Variants in TRIM22 observed in about 807,000 individuals in gnomAD.
The protein encoded by TRIM22 is E3 ubiquitin-protein ligase TRIM22.
A neutral mutation model predicts 53.6 loss-of-function variants in TRIM22; 45 were observed. The ratio of observed to expected loss-of-function variants is 0.84; its 90% CI spans 0.66 to 1.08. The LOEUF (loss-of-function observed/expected upper bound fraction) is 1.08. Ranked by LOEUF, TRIM22 falls within the 50% of genes least tolerant of loss-of-function variation. The pLI is 0.00. For missense variants in TRIM22, 616 were observed against 590.9 expected (o/e 1.04, Z -0.44); for synonymous variants, 225 against 216.6 (o/e 1.04, Z -0.34).
chr11:5,703,166 C>G (rs1345813350), intron 4 of TRIM22, among the ~76,000 whole-genome samples: 1 of 152,106 alleles, frequency 6.6e-6, no homozygotes, highest in Non-Finnish European at 1.5e-5. Context: ...GAGCATATTA[C>G]CCAATCAGTA....
intron 4 of TRIM22, among the ~76,000 whole-genome samples, chr11:5,705,265 T>C (rs1176337705): frequency 2.6e-5 from 4 of 152,190 alleles, no homozygotes; most frequent in Non-Finnish European, 5.9e-5. Flanking sequence ...AAAGAGCCGT[T>C]GTCTTTTCTG....
chr11:5,700,584 CTTT>C (rs756680023), intron 4 of TRIM22, among the ~76,000 whole-genome samples: 300 of 29,926 alleles, frequency 0.01, 3 homozygotes, highest in African/African-American at 0.035. Flanking sequence ...CTATAGGAGT[CTTT>C]TTTTTTTTTT....
rs1564940904 is a variant in TRIM22 at position 5,698,488 on chromosome 11, C to T, written c.693C>T (p.Ser231=). The change falls in exon 4 of 8, where the codon AGC becomes AGT. Residue 231 remains serine, a synonymous_variant. Transcript: ENST00000379965. The stretch of plus-strand genomic sequence containing the variant: ...TGGTCCAGCAGAGGCAGGATGCCAG[C>T]ACGCTCATCTCAGATCTCCAGCGGA... ...DQLVQQRQDA[S]TLISDLQRRL... 6.2e-7 allele frequency: 1 copy of T among 1,614,026 alleles called. No homozygotes were observed. Among genetic ancestry groups the T allele is most frequent in the Admixed American group, 1.7e-5 (1 of 60,026 alleles).
At chr11:5,691,623 G>C (rs1853173788) in intron 1 of TRIM22, among the ~76,000 whole-genome samples, 1 of 152,148 alleles carries the variant, frequency 6.6e-6, no homozygotes, top group South Asian at 2.1e-4. Flanking sequence ...TGAACCTCTG[G>C]TATCCACTCC....
chr11:5,708,352 G>A, intron 6 of TRIM22, 79 bp downstream of exon 6: 2 of 1,343,194 alleles, frequency 1.5e-6, no homozygotes, highest in Non-Finnish European at 2.1e-6. Flanking sequence ...GGTTTTTTTA[G>A]GTTAGGATAT....
At chr11:5,692,793 C>CAAAAAAA (rs749260436) in intron 1 of TRIM22, among the ~76,000 whole-genome samples, 5 of 95,732 alleles carry the variant, frequency 5.2e-5, no homozygotes, top group Non-Finnish European at 4.2e-5. Context: ...GACCTTGTCT[C>CAAAAAAA]AAAAAAAAAA....
At chr11:5,708,485 C>G in intron 6 of TRIM22, 92 bp from the exon 7 acceptor site, 1 of 1,274,724 alleles carries the variant, frequency 7.8e-7, no homozygotes. Context: ...TCCCAGTATT[C>G]CCCCTTTCCT....
chr11:5,690,073 G>A (rs1453832830), intron 1 of TRIM22, among the ~76,000 whole-genome samples, 174 bp downstream of exon 1: 1 of 152,180 alleles, frequency 6.6e-6, no homozygotes, highest in Non-Finnish European at 1.5e-5. Flanking sequence ...TCTGGGAGAG[G>A]GGTAACCTTT....
chr11:5,702,176 ATAAC>A (rs1313333843), intron 4 of TRIM22, among the ~76,000 whole-genome samples: 1 of 145,598 alleles, frequency 6.9e-6, no homozygotes, highest in Non-Finnish European at 1.5e-5. Context: ...TTACATATAC[ATAAC>A]TAATATATAT....
Position 5,709,082 on chromosome 11 carries a change from A to C in TRIM22, c.931A>C (p.Thr311Pro), listed in dbSNP as rs777788593. The change falls in exon 8 of 8, where the codon ACT becomes CCT. Residue 311 changes from threonine to proline, a missense_variant. Transcript: ENST00000379965. ...CGTGATGCTGAATCCAGGCAGTGCCACTTCGAATGTTGCTATTTCTGTGGA... is the reference window on the plus strand; with the variant it reads ...CGTGATGCTGAATCCAGGCAGTGCCCCTTCGAATGTTGCTATTTCTGTGGA... ...VDVMLNPGSA[T>P]SNVAISVDQR... 1.2e-6 allele frequency: 2 copies of C among 1,613,770 alleles called. No homozygotes were observed. Among genetic ancestry groups the C allele is most frequent in the Admixed American group, 1.7e-5 (1 of 60,014 alleles).
chr11:5,698,526 C>G lies in TRIM22; in HGVS notation c.731C>G (p.Ser244Trp). 1 of 1,613,106 alleles carries G rather than the reference C, an allele frequency of 6.2e-7. No homozygotes were observed. The highest frequency in any genetic ancestry group is 8.5e-7 in the Non-Finnish European group (1 of 1,179,402). Residue 244 changes from serine (S) to tryptophan (W), a missense_variant, in exon 4 of 8, where the codon TCG becomes TGG. Transcript: ENST00000379965. The part of the protein sequence containing the change: ...ISDLQRRLRG[S>W]SVEMLQDVID... ...GATCTCCAGCGGAGGTTGAGGGGAT[C>G]GTCAGTAGAGATGCTGCAGGTAAGA...
chr11:5,706,578 T>C lies in TRIM22; in HGVS notation c.751-16T>C, dbSNP rs746372634. On this transcript the variant is annotated splice_polypyrimidine_tract_variant and intron_variant, in intron 4 of 7. Coordinates refer to ENST00000379965, the MANE Select transcript of TRIM22 (RefSeq NM_006074.5). ...GGCAACCCTATCTTGACTCATGTTT[T>C]CTATCTTTTCCCCAGGATGTGATTG... The C allele has an allele frequency of 6.2e-6, 10 of 1,612,262 alleles. No individual in the cohort carries two copies. Among genetic ancestry groups the C allele is most frequent in the Non-Finnish European group, 8.5e-6 (10 of 1,178,894 alleles).
At chr11:5,707,686 C>A (rs1052915384) in intron 5 of TRIM22, among the ~76,000 whole-genome samples, 1 of 151,966 alleles carries the variant, frequency 6.6e-6, no homozygotes, top group African/African-American at 2.4e-5. Flanking sequence ...GTAGCAGGCA[C>A]CTGTAATCCC....
At chr11:5,694,946 G>A (rs1853233921) in intron 1 of TRIM22, among the ~76,000 whole-genome samples, 1 of 152,132 alleles carries the variant, frequency 6.6e-6, no homozygotes, top group African/African-American at 2.4e-5. Flanking sequence ...ACTGCTAATT[G>A]ATGGAAAGAA....
At chr11:5,707,769 G>A (rs976247163) in intron 5 of TRIM22, among the ~76,000 whole-genome samples, 4 of 151,968 alleles carry the variant, frequency 2.6e-5, no homozygotes, top group African/African-American at 4.8e-5. Flanking sequence ...CCGAGGTCGC[G>A]CCACTACACT....
intron 4 of TRIM22, among the ~76,000 whole-genome samples, chr11:5,702,572 T>G (rs1396289634): frequency 2.0e-5 from 3 of 151,798 alleles, no homozygotes; most frequent in Non-Finnish European, 4.4e-5. Flanking sequence ...ACTATACCCC[T>G]TCACATGTAG....
chr11:5,705,243 T>C (rs1272011262), intron 4 of TRIM22, among the ~76,000 whole-genome samples: 1 of 152,198 alleles, frequency 6.6e-6, no homozygotes, highest in Non-Finnish European at 1.5e-5. Flanking sequence ...AGAATTTTAC[T>C]GTCATGAGTA....
chr11:5,693,374 C>G (rs918394476), intron 1 of TRIM22, among the ~76,000 whole-genome samples: 48 of 152,016 alleles, frequency 3.2e-4, no homozygotes, highest in African/African-American at 1.1e-3. Context: ...GTCTGTCTAC[C>G]TGTCTTAGGT....
chr11:5,708,378 C>G, intron 6 of TRIM22, 105 bp downstream of exon 6: 4 of 1,122,936 alleles, frequency 3.6e-6, no homozygotes, highest in Non-Finnish European at 5.2e-6. Context: ...AGGAGGTGGG[C>G]CAGAGAAGGA....
Sources: gnomAD v4.1 joint callset for allele counts (sites outside exome capture counted in the v4.1 genomes callset) on GRCh38, gnomAD v4.1.1 for gene constraint, MANE v1.5 for transcripts, NCBI Gene and HGNC (gene_info 2026-07-23, HGNC 2026-07-21) for gene names.